FGGY: variants seen among roughly 807,000 people sequenced by gnomAD.
FGGY encodes FGGY carbohydrate kinase domain containing, also known as FGGY carbohydrate kinase domain-containing protein.
Under a neutral mutation model 71.3 loss-of-function variants are expected in FGGY, and 72 were observed. The observed-to-expected ratio is 1.01, with a 90% CI of 0.84 to 1.23. FGGY has a LOEUF of 1.23. FGGY is among the 50% of genes most tolerant of loss of function. The pLI is 0.00. For missense variants in FGGY, 668 were observed against 682.3 expected (o/e 0.98, Z 0.23); for synonymous variants, 251 against 250.3 (o/e 1.00, Z -0.02).
At chr1:59,353,988 G>A (rs538512504) in intron 4 of FGGY, among the ~76,000 whole-genome samples, 2 of 152,308 alleles carry the variant, frequency 1.3e-5, no homozygotes, top group South Asian at 2.1e-4. Flanking sequence ...AGCGTATGTA[G>A]TGCTTGTTAA....
At chr1:59,473,344 A>C (rs916006192) in intron 6 of FGGY, among the ~76,000 whole-genome samples, 1 of 152,072 alleles carries the variant, frequency 6.6e-6, no homozygotes, top group Admixed American at 6.5e-5. Flanking sequence ...CCACGAACCC[A>C]CCAGAAGGAA....
chr1:59,378,869 G>T (rs531632937), intron 5 of FGGY, 32 bp downstream of exon 5: 54 of 1,558,146 alleles, frequency 3.5e-5, no homozygotes, highest in Non-Finnish European at 4.4e-5. Flanking sequence ...TTGTGTTTGC[G>T]TTCTTCCATT....
intron 10 of FGGY, among the ~76,000 whole-genome samples, chr1:59,633,168 G>A (rs974926454): frequency 1.3e-5 from 2 of 151,732 alleles, no homozygotes; most frequent in South Asian, 2.1e-4. Flanking sequence ...CTGCCACCGC[G>A]CCCGGCTAAT....
rs764099209 is a variant in FGGY at position 59,626,013 on chromosome 1, C to T, written c.1037C>T (p.Ala346Val). The T allele has an allele frequency of 1.2e-6, 2 of 1,613,518 alleles. No individual in the cohort carries two copies. Among genetic ancestry groups the T allele is most frequent in the African/African-American group, 1.3e-5 (1 of 75,054 alleles). ...KLIDHMVQGH[A>V]AFPELQVKAT... Reference sequence around the variant, plus strand: ...ATAGACCACATGGTACAAGGCCATGCTGCTTTTCCAGAACTACAAGTAAAG... The same window carrying T: ...ATAGACCACATGGTACAAGGCCATGTTGCTTTTCCAGAACTACAAGTAAAG... The change falls in exon 10 of 16, where the codon GCT (alanine) becomes GTT (valine). Residue 346 changes from alanine (A) to valine (V), a missense_variant. Transcript: ENST00000303721.
chr1:59,587,357 C>G (rs2096320613), intron 8 of FGGY, among the ~76,000 whole-genome samples: 1 of 152,102 alleles, frequency 6.6e-6, no homozygotes, highest in Admixed American at 6.5e-5. Context: ...GGCTCCACCT[C>G]TGGGGGCAGG....
chr1:59,654,216 G>A (rs1403801094), intron 11 of FGGY, among the ~76,000 whole-genome samples: 1 of 152,190 alleles, frequency 6.6e-6, no homozygotes, highest in Non-Finnish European at 1.5e-5. Context: ...AAATATTTTT[G>A]GTAAGATGTG....
chr1:59,502,721 C>T (rs2153611714), intron 6 of FGGY, among the ~76,000 whole-genome samples: 1 of 152,248 alleles, frequency 6.6e-6, no homozygotes, highest in Non-Finnish European at 1.5e-5. Flanking sequence ...TGGATTCAAT[C>T]TAGACTCTGC....
chr1:59,354,715 GT>G (rs1215066433), intron 4 of FGGY, among the ~76,000 whole-genome samples: 2 of 152,176 alleles, frequency 1.3e-5, no homozygotes, highest in Non-Finnish European at 2.9e-5. Flanking sequence ...AGGTGAATGA[GT>G]GGGATAAGGG....
At chr1:59,357,179 A>G (rs75420382) in intron 4 of FGGY, among the ~76,000 whole-genome samples, 3,730 of 152,256 alleles carry the variant, frequency 0.024, 173 homozygotes, top group African/African-American at 0.086. Flanking sequence ...TGGACAGTGA[A>G]TCCTTTCCTT....
At chr1:59,475,428 T>C (rs2093215369) in intron 6 of FGGY, among the ~76,000 whole-genome samples, 1 of 152,264 alleles carries the variant, frequency 6.6e-6, no homozygotes, top group Admixed American at 6.5e-5. Flanking sequence ...TAATGGCTAA[T>C]GTTCCTACAG....
chr1:59,476,950 A>G (rs1321722639), intron 6 of FGGY, among the ~76,000 whole-genome samples: 1 of 152,232 alleles, frequency 6.6e-6, no homozygotes, highest in African/African-American at 2.4e-5. Flanking sequence ...AGTGAACAGT[A>G]TGATATCTTG....
chr1:59,761,341 A>G (rs547843264), intron 15 of FGGY, among the ~76,000 whole-genome samples: 2 of 152,146 alleles, frequency 1.3e-5, no homozygotes, highest in Non-Finnish European at 2.9e-5. Context: ...ACTCCTACTA[A>G]CATAGCTATG....
At chr1:59,460,108 G>T (rs1179058030) in intron 6 of FGGY, among the ~76,000 whole-genome samples, 1 of 152,152 alleles carries the variant, frequency 6.6e-6, no homozygotes, top group African/African-American at 2.4e-5. Context: ...CCTCGACCCG[G>T]GAAGCACAAG....
chr1:59,613,565 C>A (rs2096715147), intron 9 of FGGY, among the ~76,000 whole-genome samples: 1 of 152,104 alleles, frequency 6.6e-6, no homozygotes, highest in Non-Finnish European at 1.5e-5. Context: ...AAAATTGACA[C>A]CCTAACATCA....
At position 59,422,664 on chromosome 1, in the gene FGGY, G is replaced by A. The variant is rs981043003; in HGVS notation, c.555-34297G>A. On this transcript the variant is annotated intron_variant, in intron 5 of 15. Transcript: ENST00000303721. ...GAGCTGTGATCATGCGCTGCACTCC[G>A]ATTTGGGTGACAGCGAGACCCTGTC... Among the ~76,000 whole-genome samples, 25 of 149,998 alleles carry A rather than the reference G, an allele frequency of 1.7e-4. 1 individual carries two copies. The highest frequency in any genetic ancestry group is 7.3e-4 in the Admixed American group (11 of 14,994).
At chr1:59,747,623 T>C (rs552171045) in intron 14 of FGGY, among the ~76,000 whole-genome samples, 36 of 152,262 alleles carry the variant, frequency 2.4e-4, no homozygotes, top group Admixed American at 5.2e-4. Flanking sequence ...ATTCTACTGA[T>C]AAAGAAAGTG....
chr1:59,687,806 A>G (rs1051296332), intron 14 of FGGY, among the ~76,000 whole-genome samples: 4 of 151,962 alleles, frequency 2.6e-5, no homozygotes, highest in African/African-American at 9.7e-5. Context: ...CTGTTCAAAG[A>G]CCTAGAGTAG....
In FGGY at chr1:59,445,368, T is replaced by C. The variant is rs565317844; in HGVS notation, c.555-11593T>C. ...GCTTCCACTTCTGCTGCTGCTTCTT[T>C]TTCTAGTCTCCTGCAGCCTAATCAT... is the stretch of plus-strand genomic sequence containing the variant. On this transcript the variant is annotated intron_variant, in intron 5 of 15. Transcript: ENST00000303721. Among the ~76,000 whole-genome samples the C allele has an allele frequency of 4.1e-4, 63 of 152,328 alleles. 1 individual carries two copies. Among genetic ancestry groups the C allele is most frequent in the African/African-American group, 1.4e-3 (58 of 41,574 alleles).
intron 6 of FGGY, among the ~76,000 whole-genome samples, chr1:59,460,613 T>A (rs1025895458): frequency 6.6e-6 from 1 of 152,180 alleles, no homozygotes; most frequent in Non-Finnish European, 1.5e-5. Flanking sequence ...AGTGGGTCCC[T>A]CACCCCCGTG....
Sources: allele counts gnomAD v4.1 joint callset (sites outside exome capture counted in the v4.1 genomes callset), GRCh38; gene constraint gnomAD v4.1.1; transcripts MANE v1.5; gene names NCBI Gene and HGNC (gene_info 2026-07-23, HGNC 2026-07-21).